ABCA12: variants seen among roughly 807,000 people sequenced by gnomAD.
The protein encoded by ABCA12 is ATP binding cassette subfamily A member 12.
In ABCA12, 156 loss-of-function variants were observed where a neutral mutation model predicts 293.5. The observed-to-expected ratio is 0.53, with a 90% CI of 0.47 to 0.61. ABCA12 has a LOEUF of 0.61. Among genes scored for constraint, ABCA12 ranks in the 20% least tolerant of loss-of-function variants. ABCA12 has a pLI of 0.00. For synonymous variants in ABCA12, 1,063 were observed against 1,108.0 expected, an observed-to-expected ratio of 0.96 and a Z score of 0.81; for missense variants, 2,797 against 3,090.2, an observed-to-expected ratio of 0.91 and a Z score of 2.25.
chr2:215,037,879 T>C (rs1701023722), intron 7 of ABCA12, among the ~76,000 whole-genome samples: 1 of 152,178 alleles, frequency 6.6e-6, no homozygotes, highest in South Asian at 2.1e-4. Context: ...GAGTCAATGC[T>C]TTAGTTAAGT....
chr2:215,124,842 C>T (rs1702888718), intron 1 of ABCA12, among the ~76,000 whole-genome samples: 3 of 152,188 alleles, frequency 2.0e-5, no homozygotes, highest in Admixed American at 2.0e-4. Context: ...GTTTTTATTG[C>T]ATTTGCTTTT....
At chr2:215,116,769 G>T (rs909009454) in intron 1 of ABCA12, among the ~76,000 whole-genome samples, 1 of 152,136 alleles carries the variant, frequency 6.6e-6, no homozygotes, top group Non-Finnish European at 1.5e-5. Context: ...CATAATTTCT[G>T]TGACATTCTT....
intron 6 of ABCA12, among the ~76,000 whole-genome samples, chr2:215,048,613 G>T (rs1701252697): frequency 6.6e-6 from 1 of 152,096 alleles, no homozygotes. Flanking sequence ...TGAGGCACGA[G>T]AATTACTTGA....
In ABCA12 at chr2:214,958,427, C is replaced by T; in HGVS notation, c.5967G>A (p.Val1989=). Residue 1989 remains valine (V), a synonymous_variant, in exon 41 of 53, where the codon GTG becomes GTA. Transcript: ENST00000272895. ...AGTAGCCCATCAAGATAGACAGTGCCACTAAAATATCGATTAAACTGCTGA... is the reference window on the plus strand; with the variant it reads ...AGTAGCCCATCAAGATAGACAGTGCTACTAAAATATCGATTAAACTGCTGA... The part of the protein sequence containing the change: ...ATISSLIDIL[V]ALSILMGYSV... The T allele has an allele frequency of 6.2e-7, 1 of 1,613,836 alleles. No homozygotes were observed. The highest frequency in any genetic ancestry group is 8.5e-7 in the Non-Finnish European group (1 of 1,179,862).
chr2:214,979,752 A>T (rs1699606003), intron 31 of ABCA12, among the ~76,000 whole-genome samples: 1 of 152,188 alleles, frequency 6.6e-6, no homozygotes, highest in Admixed American at 6.5e-5. Context: ...CCTAATACAT[A>T]AATGTCTGAA....
intron 1 of ABCA12, among the ~76,000 whole-genome samples, chr2:215,116,710 G>A (rs1702693840): frequency 6.6e-6 from 1 of 152,148 alleles, no homozygotes; most frequent in Admixed American, 6.5e-5. Flanking sequence ...TCTATAAAAT[G>A]GGACAAAATG....
intron 43 of ABCA12, 88 bp from the exon 44 acceptor site, chr2:214,954,195 G>C (rs897889993): frequency 1.2e-5 from 17 of 1,413,226 alleles, no homozygotes; most frequent in Admixed American, 5.7e-5. Flanking sequence ...TAGACAAATA[G>C]TGAAACCTAA....
At chr2:215,034,920 A>G (rs1328337324) in intron 8 of ABCA12, among the ~76,000 whole-genome samples, 1 of 152,210 alleles carries the variant, frequency 6.6e-6, no homozygotes, top group Non-Finnish European at 1.5e-5. Flanking sequence ...CAACTCTGCT[A>G]TGAGATACCA....
In ABCA12 at chr2:215,045,954, A is replaced by G; in HGVS notation, c.755T>C (p.Phe252Ser). 1 of 1,613,726 alleles carries G rather than the reference A, an allele frequency of 6.2e-7. No homozygotes were observed. Among genetic ancestry groups the G allele is most frequent in the Non-Finnish European group, 8.5e-7 (1 of 1,179,798 alleles). The change falls in exon 7 of 53, where the codon TTC (phenylalanine) becomes TCC (serine). Residue 252 changes from phenylalanine (F) to serine (S), a missense_variant. By Grantham distance (155) the Phe-to-Ser change is radical. This residue lies in a region of ABCA12 where 656 missense variants were observed against 638.2 expected (regional missense o/e 1.03). Transcript: ENST00000272895. ...TTTCTGCTCTTGCACTTGTGAGAAGAAAGACAGCATTCTGACTATTTCCTG... is the reference window on the plus strand; with the variant it reads ...TTTCTGCTCTTGCACTTGTGAGAAGGAAGACAGCATTCTGACTATTTCCTG... Reference protein sequence around the residue: ...VFQEIVRMLSFFSQVQEQKAV... With the variant: ...VFQEIVRMLSSFSQVQEQKAV...
In ABCA12 at chr2:214,979,021, T is replaced by A. The variant is rs1171287989; in HGVS notation, c.4760A>T (p.Asn1587Ile). The A allele has an allele frequency of 1.2e-6, 2 of 1,613,926 alleles. No individual in the cohort carries two copies. The highest frequency in any genetic ancestry group is 1.3e-5 in the African/African-American group (1 of 74,918). Residue 1587 changes from asparagine (N) to isoleucine (I), a missense_variant, in exon 32 of 53, where the codon AAT (asparagine) becomes ATT (isoleucine). Coordinates refer to ENST00000272895, the MANE Select transcript of ABCA12 (RefSeq NM_173076.3). The part of the protein sequence containing the change: ...TKKKSPNLNA[N>I]AVCDTMAVTA... ...CACGGCCATGGTGTCACATACTGCA[T>A]TTGCATTTAAATTTGGACTCTAAGA... is the stretch of plus-strand genomic sequence containing the variant.
intron 3 of ABCA12, among the ~76,000 whole-genome samples, chr2:215,062,054 A>G (rs1701538193): frequency 6.6e-6 from 1 of 152,028 alleles, no homozygotes; most frequent in Non-Finnish European, 1.5e-5. Context: ...GTCTGTCTCA[A>G]GTAAACCTCT....
intron 31 of ABCA12, 71 bp from the exon 32 acceptor site, chr2:214,979,111 G>A: frequency 7.1e-7 from 1 of 1,400,068 alleles, no homozygotes; most frequent in Admixed American, 1.7e-5. Flanking sequence ...CCTAATCAGA[G>A]GGTGAGGTGA....
rs200886578 is a variant in ABCA12 at position 214,981,942 on chromosome 2, T to TTTATTATTATTA, written c.4579+233_4579+244dup. On this transcript the variant is annotated intron_variant, in intron 30 of 52. Coordinates refer to ENST00000272895, the MANE Select transcript of ABCA12 (RefSeq NM_173076.3). ...ATGCCAGCCACCACAGTCAGCTGTT[T>TTTATTATTATTA]TTATTATTATTATTATTATTATTAT... Among the ~76,000 whole-genome samples, 540 of 128,626 alleles carry TTTATTATTATTA rather than the reference T, an allele frequency of 4.2e-3. 5 individuals carry two copies. Among genetic ancestry groups the TTTATTATTATTA allele is most frequent in the Middle Eastern group, 0.012 (3 of 256 alleles). The allele number at this position is 128,626 out of a possible 152,430, so 84.4% of individuals were successfully genotyped here.
rs372852027 is a variant in ABCA12 at position 215,001,790 on chromosome 2, C to T, written c.2684-53G>A. 7.9e-6 allele frequency: 12 copies of T among 1,510,248 alleles called. No individual in the cohort carries two copies. In the East Asian group the frequency reaches 1.4e-4, roughly 17 times the overall value. 93.6% of individuals were successfully genotyped at this position (1,510,248 alleles called of 1,614,324 possible). On this transcript the variant is annotated intron_variant, in intron 20 of 52. Coordinates refer to ENST00000272895, the MANE Select transcript of ABCA12 (RefSeq NM_173076.3). ...AAAAAATTATGGTCCTGATTCTGGT[C>T]GTAATTAGATGAAATACTGATTTTT... is the stretch of plus-strand genomic sequence containing the variant.
intron 18 of ABCA12, among the ~76,000 whole-genome samples, chr2:215,008,717 A>G (rs1412506164): frequency 6.6e-6 from 1 of 152,116 alleles, no homozygotes; most frequent in South Asian, 2.1e-4. Context: ...ATGCTAACAT[A>G]CATTAGTTTA....
chr2:214,987,843 T>C (rs1466715445), intron 26 of ABCA12, 50 bp from the exon 27 acceptor site: 2 of 1,595,198 alleles, frequency 1.3e-6, no homozygotes, highest in Non-Finnish European at 1.7e-6. Context: ...ACTGTTAACA[T>C]TTATCATCAG....
At chr2:215,031,251 CA>C (rs1263012309) in intron 9 of ABCA12, among the ~76,000 whole-genome samples, 1 of 152,124 alleles carries the variant, frequency 6.6e-6, no homozygotes, top group Non-Finnish European at 1.5e-5. Flanking sequence ...TGAAAGCAAA[CA>C]AATTTTGCAT....
intron 8 of ABCA12, among the ~76,000 whole-genome samples, chr2:215,034,309 TC>T (rs1259162238): frequency 6.6e-6 from 1 of 152,202 alleles, no homozygotes; most frequent in African/African-American, 2.4e-5. Context: ...CTCTCTATTT[TC>T]ACGGTTGCTA....
chr2:214,978,581 G>T (rs539274613), intron 32 of ABCA12, 115 bp from the exon 33 acceptor site: 2 of 1,325,906 alleles, frequency 1.5e-6, no homozygotes, highest in African/African-American at 1.5e-5. Context: ...AATTTTTCCC[G>T]TCTGACTTCA....
Sources: allele counts gnomAD v4.1 joint callset (sites outside exome capture counted in the v4.1 genomes callset), GRCh38; gene constraint gnomAD v4.1.1; regional missense constraint gnomAD v4.1.1; transcripts MANE v1.5; gene names NCBI Gene and HGNC (gene_info 2026-07-23, HGNC 2026-07-21).